Variants in PRKG1 observed in about 807,000 individuals in gnomAD.
PRKG1 encodes protein kinase cGMP-dependent 1, also known as cGMP-dependent protein kinase 1.
A neutral mutation model predicts 88.1 loss-of-function variants in PRKG1; 35 were observed. The observed-to-expected ratio is 0.40, with a 90% confidence interval of 0.30 to 0.53. The LOEUF (loss-of-function observed/expected upper bound fraction) is 0.53. Among genes scored for constraint, PRKG1 ranks in the 20% least tolerant of loss-of-function variants. The probability of loss-of-function intolerance (pLI) is 0.59; values close to 1 mark genes in which losing one functional copy is unlikely to be tolerated. For synonymous variants in PRKG1, 303 were observed against 292.5 expected, an observed-to-expected ratio of 1.04 and a Z score of -0.37; for missense variants, 540 against 839.8, an observed-to-expected ratio of 0.64 and a Z score of 4.41.
intron 3 of PRKG1, among the ~76,000 whole-genome samples, chr10:51,599,750 G>T (rs1005844629): frequency 6.6e-6 from 1 of 152,080 alleles, no homozygotes; most frequent in Non-Finnish European, 1.5e-5. Context: ...ATGCAAACTT[G>T]TTTCTGTAAA....
chr10:51,387,069 G>A (rs1359285355), intron 2 of PRKG1, among the ~76,000 whole-genome samples: 1 of 152,022 alleles, frequency 6.6e-6, no homozygotes, highest in East Asian at 1.9e-4. Context: ...GGCCTATGGA[G>A]GTACTTATAT....
chr10:51,042,536 A>T (rs1051063834), intron 1 of PRKG1, among the ~76,000 whole-genome samples: 3 of 152,192 alleles, frequency 2.0e-5, no homozygotes, highest in African/African-American at 7.2e-5. Context: ...TTGGTTTTTA[A>T]ATTAATAAAC....
intron 5 of PRKG1, among the ~76,000 whole-genome samples, chr10:51,917,645 C>T (rs1432855234): frequency 2.0e-5 from 3 of 152,078 alleles, no homozygotes; most frequent in Non-Finnish European, 4.4e-5. Flanking sequence ...AAAAATAATA[C>T]ATGTTTTAAA....
At chr10:51,206,960 A>G (rs1838078176) in intron 2 of PRKG1, among the ~76,000 whole-genome samples, 1 of 152,240 alleles carries the variant, frequency 6.6e-6, no homozygotes, top group Admixed American at 6.5e-5. Flanking sequence ...TCTTATTGGA[A>G]AATGAATCGT....
intron 7 of PRKG1, among the ~76,000 whole-genome samples, chr10:52,112,307 T>C (rs1299931229): frequency 6.6e-6 from 1 of 152,216 alleles, no homozygotes; most frequent in East Asian, 1.9e-4. Flanking sequence ...ATTTTGTGAT[T>C]CTTACATAAA....
intron 1 of PRKG1, among the ~76,000 whole-genome samples, chr10:51,123,094 G>A (rs534434603): frequency 1.8e-4 from 27 of 152,094 alleles, no homozygotes; most frequent in Non-Finnish European, 3.5e-4. Context: ...CTCACAGGTG[G>A]TTCCCTGTGG....
intron 9 of PRKG1, among the ~76,000 whole-genome samples, chr10:52,178,418 T>C (rs1470312033): frequency 6.6e-6 from 1 of 152,106 alleles, no homozygotes; most frequent in African/African-American, 2.4e-5. Context: ...TTGTAACATA[T>C]CATCTATCCT....
intron 1 of PRKG1, among the ~76,000 whole-genome samples, chr10:50,992,138 T>C (rs1028637027): frequency 2.0e-5 from 3 of 151,598 alleles, no homozygotes; most frequent in Non-Finnish European, 4.4e-5. Context: ...CTGGACAGGG[T>C]TGGGCTCAAC....
chr10:51,564,350 G>A (rs1372042457), intron 3 of PRKG1, among the ~76,000 whole-genome samples: 1 of 152,090 alleles, frequency 6.6e-6, no homozygotes, highest in African/African-American at 2.4e-5. Flanking sequence ...ATGCTATAGA[G>A]AGAAATAAAA....
At chr10:51,750,191 C>T (rs1051573401) in intron 3 of PRKG1, among the ~76,000 whole-genome samples, 4 of 152,080 alleles carry the variant, frequency 2.6e-5, no homozygotes, top group African/African-American at 9.7e-5. Flanking sequence ...CCACCTCGGA[C>T]CCCCAAAGTG....
intron 5 of PRKG1, among the ~76,000 whole-genome samples, chr10:52,006,984 GA>G (rs912683354): frequency 2.0e-5 from 3 of 151,424 alleles, no homozygotes; most frequent in African/African-American, 4.8e-5. Flanking sequence ...CTTTCTTAAA[GA>G]AAAAAAAATT....
At chr10:51,771,340 CCTT>C (rs1838299484) in intron 3 of PRKG1, among the ~76,000 whole-genome samples, 2 of 152,046 alleles carry the variant, frequency 1.3e-5, no homozygotes, top group South Asian at 4.2e-4. Flanking sequence ...TTCTTTTTCT[CCTT>C]CTTCCTCTTA....
chr10:52,137,012 G>A (rs1837442539), intron 8 of PRKG1, among the ~76,000 whole-genome samples: 1 of 152,082 alleles, frequency 6.6e-6, no homozygotes, highest in South Asian at 2.1e-4. Context: ...TGTAACTGAA[G>A]GATCCTGTCA....
intron 17 of PRKG1, 61 bp downstream of exon 17, chr10:52,290,351 C>A (rs1842212316): frequency 1.5e-6 from 2 of 1,347,544 alleles, no homozygotes; most frequent in Non-Finnish European, 2.1e-6. Context: ...TGTCAGTCAA[C>A]AATGATCTGT....
intron 3 of PRKG1, among the ~76,000 whole-genome samples, chr10:51,741,923 G>C (rs928629985): frequency 7.9e-5 from 12 of 152,218 alleles, no homozygotes; most frequent in African/African-American, 2.7e-4. Flanking sequence ...TTAGGGAGCT[G>C]TAACTGGTTG....
chr10:51,356,922 C>G (rs1842377920), intron 2 of PRKG1, among the ~76,000 whole-genome samples: 1 of 151,950 alleles, frequency 6.6e-6, no homozygotes, highest in Non-Finnish European at 1.5e-5. Flanking sequence ...GCTATACATC[C>G]CTTAAATGTG....
At chr10:51,192,831 C>T (rs1203694731) in intron 2 of PRKG1, among the ~76,000 whole-genome samples, 1 of 151,922 alleles carries the variant, frequency 6.6e-6, no homozygotes, top group East Asian at 1.9e-4. Flanking sequence ...AATGGCCATT[C>T]ATATCTGGAA....
chr10:51,867,860 G>A (rs558281001), intron 4 of PRKG1, among the ~76,000 whole-genome samples: 2 of 152,268 alleles, frequency 1.3e-5, no homozygotes, highest in South Asian at 2.1e-4. Context: ...ACTTGAGAGG[G>A]TAACAAAAAG....
intron 1 of PRKG1, among the ~76,000 whole-genome samples, chr10:51,117,337 T>A (rs151149565): frequency 9.1e-4 from 139 of 152,350 alleles, no homozygotes; most frequent in Non-Finnish European, 1.7e-3. Flanking sequence ...TCTTGTTATA[T>A]TCTATCAACA....
Sources: gnomAD v4.1 joint callset for allele counts (sites outside exome capture counted in the v4.1 genomes callset) on GRCh38, gnomAD v4.1.1 for gene constraint, MANE v1.5 for transcripts, NCBI Gene and HGNC (gene_info 2026-07-23, HGNC 2026-07-21) for gene names.